Variants in ACBD6 observed in about 807,000 individuals in gnomAD.
ACBD6 encodes the protein acyl-CoA binding domain containing 6, also known as acyl-CoA-binding domain-containing protein 6.
A neutral mutation model predicts 37.2 loss-of-function variants in ACBD6; 28 were observed. The ratio of observed to expected loss-of-function variants is 0.75; its 90% CI spans 0.56 to 1.03. ACBD6 has a LOEUF of 1.03. ACBD6 is among the 50% of genes least tolerant of loss of function. The pLI is 0.00. For missense variants in ACBD6, 340 were observed against 337.4 expected (o/e 1.01, Z -0.06); for synonymous variants, 113 against 126.8 (o/e 0.89, Z 0.73).
At chr1:180,377,888 A>C (rs904181298) in intron 6 of ACBD6, among the ~76,000 whole-genome samples, 2 of 151,902 alleles carry the variant, frequency 1.3e-5, no homozygotes, top group Admixed American at 1.3e-4. Context: ...CGGAGGTTGC[A>C]GTGGGCCGTG....
chr1:180,296,859 G>A (rs1305024745), intron 7 of ACBD6, among the ~76,000 whole-genome samples: 1 of 151,174 alleles, frequency 6.6e-6, no homozygotes, highest in Non-Finnish European at 1.5e-5. Context: ...AGGCGCAGTG[G>A]CTCACGCCTG....
chr1:180,372,886 A>C (rs1178243346), intron 6 of ACBD6, among the ~76,000 whole-genome samples: 1 of 152,180 alleles, frequency 6.6e-6, no homozygotes, highest in Non-Finnish European at 1.5e-5. Flanking sequence ...ACTATAAGCT[A>C]CTTGTATCCA....
intron 7 of ACBD6, among the ~76,000 whole-genome samples, chr1:180,314,123 C>T (rs1650697775): frequency 6.6e-6 from 1 of 152,084 alleles, no homozygotes; most frequent in Admixed American, 6.5e-5. Context: ...ATTAATAGAA[C>T]TAAGAATGAA....
chr1:180,362,131 A>T (rs1652876353), intron 6 of ACBD6, among the ~76,000 whole-genome samples: 1 of 152,186 alleles, frequency 6.6e-6, no homozygotes, highest in Non-Finnish European at 1.5e-5. Flanking sequence ...AGCTCCCCAC[A>T]CCAAATGAAG....
intron 5 of ACBD6, among the ~76,000 whole-genome samples, chr1:180,405,593 C>T (rs988232247): frequency 1.3e-5 from 2 of 152,132 alleles, no homozygotes; most frequent in African/African-American, 4.8e-5. Flanking sequence ...TACACTGTTA[C>T]ATTTGATCTA....
At chr1:180,354,531 C>T (rs1038518338) in intron 6 of ACBD6, among the ~76,000 whole-genome samples, 3 of 151,958 alleles carry the variant, frequency 2.0e-5, no homozygotes, top group Admixed American at 6.6e-5. Context: ...AGTCTTGCCG[C>T]CTAAATTCTT....
At chr1:180,269,893 G>A (rs1027561983) in exon 14 of ACBD6, 1 of 152,176 alleles carries the variant, frequency 6.6e-6, no homozygotes, top group Non-Finnish European at 1.5e-5. Context: ...CCTACCCTTC[G>A]GGTTCAGGGC....
At chr1:180,445,900 C>G (rs1163281356) in intron 3 of ACBD6, among the ~76,000 whole-genome samples, 2 of 152,156 alleles carry the variant, frequency 1.3e-5, no homozygotes, top group African/African-American at 2.4e-5. Flanking sequence ...TATTCCAAAG[C>G]CTGTGTTCTA....
At chr1:180,493,364 T>C (rs2102093266) in intron 2 of ACBD6, among the ~76,000 whole-genome samples, 1 of 150,866 alleles carries the variant, frequency 6.6e-6, no homozygotes, top group Non-Finnish European at 1.5e-5. Context: ...AGTCCTGAGC[T>C]TCCTTTTGGG....
At chr1:180,333,473 C>A (rs527581048) in intron 6 of ACBD6, among the ~76,000 whole-genome samples, 1 of 150,034 alleles carries the variant, frequency 6.7e-6, no homozygotes, top group Non-Finnish European at 1.5e-5. Context: ...CTGCTGCACT[C>A]AAAAAATTTC....
chr1:180,435,910 C>T, intron 3 of ACBD6: 1 of 1,385,952 alleles, frequency 7.2e-7, no homozygotes, highest in Non-Finnish European at 1.0e-6. Context: ...GTGGTGGCCA[C>T]AAGCTTGGTT....
At chr1:180,299,993 T>C (rs904689496) in intron 7 of ACBD6, among the ~76,000 whole-genome samples, 1 of 152,096 alleles carries the variant, frequency 6.6e-6, no homozygotes, top group African/African-American at 2.4e-5. Flanking sequence ...CGTACAGTAG[T>C]AGAATACCGG....
chr1:180,487,208 T>G (rs1486218966), intron 3 of ACBD6, among the ~76,000 whole-genome samples: 2 of 152,156 alleles, frequency 1.3e-5, no homozygotes, highest in African/African-American at 4.8e-5. Flanking sequence ...AAATACTAAA[T>G]CAATGTTAAA....
At chr1:180,429,323 T>C (rs1004431999) in intron 4 of ACBD6, among the ~76,000 whole-genome samples, 1 of 152,224 alleles carries the variant, frequency 6.6e-6, no homozygotes, top group African/African-American at 2.4e-5. Context: ...TGAGTTTGAC[T>C]ACTCTAAATA....
chr1:180,439,463 C>A (rs956309348), intron 3 of ACBD6, among the ~76,000 whole-genome samples: 3 of 152,034 alleles, frequency 2.0e-5, no homozygotes, highest in Non-Finnish European at 4.4e-5. Context: ...TGGTGGTGGG[C>A]GCCTGTAGTC....
rs759721424 is a variant in ACBD6, at chr1:180,397,516, C to T, written c.663G>A (p.Gln221=). Residue 221 remains glutamine (Q), a splice_region_variant and synonymous_variant, in exon 6 of 8, where the codon CAG becomes CAA. Transcript: ENST00000367595. ...LLQHRADINC[Q]DNEGQTALHY... is the part of the protein sequence containing the mutation. ...AAAAGCTCTTCTTTATCACTCTTAC[C>T]TGACAGTTAATGTCAGCTCTATGTT... 1.9e-6 allele frequency: 3 copies of T among 1,612,066 alleles called. No homozygotes were observed. Among genetic ancestry groups the T allele is most frequent in the Admixed American group, 1.7e-5 (1 of 60,002 alleles).
chr1:180,302,038 T>C (rs1272045330), intron 7 of ACBD6, among the ~76,000 whole-genome samples: 1 of 150,786 alleles, frequency 6.6e-6, no homozygotes, highest in African/African-American at 2.4e-5. Context: ...AATAGATTTA[T>C]TGGGGGGGGA....
At chr1:180,335,905 G>C (rs1242857687) in intron 6 of ACBD6, among the ~76,000 whole-genome samples, 1 of 147,170 alleles carries the variant, frequency 6.8e-6, no homozygotes, top group Non-Finnish European at 1.5e-5. Flanking sequence ...AAGATCAAAA[G>C]AGACAAAGAA....
chr1:180,414,133 T>C (rs1647981307), intron 4 of ACBD6, among the ~76,000 whole-genome samples: 1 of 152,192 alleles, frequency 6.6e-6, no homozygotes, highest in African/African-American at 2.4e-5. Context: ...CTCTAAATAA[T>C]GTACAGAATT....
Sources: allele counts gnomAD v4.1 joint callset (sites outside exome capture counted in the v4.1 genomes callset), GRCh38; gene constraint gnomAD v4.1.1; transcripts MANE v1.5; gene names NCBI Gene and HGNC (gene_info 2026-07-23, HGNC 2026-07-21).